PRPF6: variants seen among roughly 807,000 people sequenced by gnomAD.
The protein encoded by PRPF6 is pre-mRNA-processing factor 6.
A neutral mutation model predicts 118.3 loss-of-function variants in PRPF6; 42 were observed. The observed-to-expected ratio is 0.35, with a 90% CI of 0.28 to 0.46. The LOEUF is 0.46. Ranked by LOEUF, PRPF6 falls within the 20% of genes least tolerant of loss-of-function variation. The pLI is 1.00. For missense variants in PRPF6, 662 were observed against 1,255.7 expected, an observed-to-expected ratio of 0.53 and a Z score of 7.15; for synonymous variants, 481 against 485.1, an observed-to-expected ratio of 0.99 and a Z score of 0.11.
chr20:64,028,458 C>T lies in PRPF6; in HGVS notation c.2340-20C>T, dbSNP rs1269228897. 1 of 1,613,532 alleles carries T rather than the reference C, an allele frequency of 6.2e-7. No homozygotes were observed. The highest frequency in any genetic ancestry group is 8.5e-7 in the Non-Finnish European group (1 of 1,179,888). On this transcript the variant is annotated intron_variant, in intron 17 of 20. Transcript: ENST00000266079. This position sits in a 1 kb window ranked among gnomAD's most constrained non-coding sequence, Gnocchi z 6.5. The stretch of plus-strand genomic sequence containing the variant: ...CTGTTGGTAGACGGCTGTGGGACCT[C>T]CGGGGGCCTGTCTCCTCAGGTTGGA...
intron 4 of PRPF6, among the ~76,000 whole-genome samples, chr20:63,994,152 CTTTTTCTTTTT>C (rs1337120952): frequency 6.8e-6 from 1 of 146,338 alleles, no homozygotes; most frequent in Non-Finnish European, 1.5e-5. Flanking sequence ...TTTTTCTTTT[CTTTTTCTTTTT>C]TTTTTTTTTT....
Position 64,029,546 on chromosome 20 carries a change from T to G in PRPF6, c.2546+55T>G. The G allele has an allele frequency of 7.0e-7, 1 of 1,438,566 alleles. No individual in the cohort carries two copies. Among genetic ancestry groups the G allele is most frequent in the Non-Finnish European group, 9.8e-7 (1 of 1,022,300 alleles). The allele number at this position is 1,438,566 out of a possible 1,614,324, so 89.1% of individuals were successfully genotyped here. A position where few individuals can be genotyped will look rare whatever the true frequency, so the allele number is the denominator to read the frequency against. On this transcript the variant is annotated intron_variant, in intron 19 of 20. Transcript: ENST00000266079. This position sits in a 1 kb window ranked among gnomAD's most constrained non-coding sequence, Gnocchi z 4.8. Reference sequence around the variant, plus strand: ...CCTCGGGGTCCTAATGGGCTCTTTTTCCAGAGTCTGTCTGCCTCTTCCTGG... The same window carrying G: ...CCTCGGGGTCCTAATGGGCTCTTTTGCCAGAGTCTGTCTGCCTCTTCCTGG...
At chr20:63,989,377 T>C (rs2059108844) in intron 3 of PRPF6, among the ~76,000 whole-genome samples, 1 of 151,948 alleles carries the variant, frequency 6.6e-6, no homozygotes, top group African/African-American at 2.4e-5. Flanking sequence ...GTGTGGTGGC[T>C]CGCTCCCGTG....
chr20:64,026,702 AGGCAGGAGAATGGTGT>A lies in PRPF6; in HGVS notation c.2029-278_2029-263del, dbSNP rs2059292509. On this transcript the variant is annotated intron_variant, in intron 15 of 20. Coordinates refer to ENST00000266079, the MANE Select transcript of PRPF6 (RefSeq NM_012469.4). The surrounding 1 kb of genome is among the most constrained non-coding windows in gnomAD (Gnocchi z 4.4). ...GTAGTTCCAGCTACTTGGGAGGCTG[AGGCAGGAGAATGGTGT>A]GAACCCAGCAGGTGGAGCTTGCAGT... Among the ~76,000 whole-genome samples, 1 of 152,030 alleles carries A rather than the reference AGGCAGGAGAATGGTGT, an allele frequency of 6.6e-6. No individual in the cohort carries two copies. Among genetic ancestry groups the A allele is most frequent in the Admixed American group, 6.6e-5 (1 of 15,256 alleles).
intron 3 of PRPF6, among the ~76,000 whole-genome samples, chr20:63,987,143 C>T (rs890110457): frequency 1.6e-5 from 2 of 126,564 alleles, no homozygotes; most frequent in Non-Finnish European, 3.1e-5. Context: ...ACACTTCAGC[C>T]TGGGCCACAG....
At position 64,027,263 on chromosome 20, in the gene PRPF6, G is replaced by A. The variant is rs961645884; in HGVS notation, c.2205+105G>A. On this transcript the variant is annotated intron_variant, in intron 16 of 20. Transcript: ENST00000266079. This position sits in a 1 kb window ranked among gnomAD's most constrained non-coding sequence, Gnocchi z 6.5. ...CTTCGCCTCTGAGGAGATGTGGAGG[G>A]CTGGGGGTTACAGCTGATGGAGCTG... The A allele has an allele frequency of 6.3e-6, 9 of 1,435,732 alleles. No homozygotes were observed. Among genetic ancestry groups the A allele is most frequent in the Non-Finnish European group, 8.6e-6 (9 of 1,041,136 alleles). The allele number at this position is 1,435,732 out of a possible 1,614,324, so 88.9% of individuals were successfully genotyped here.
chr20:64,010,183 C>T lies in PRPF6; in HGVS notation c.1187-17C>T, dbSNP rs562471948. 8 of 1,605,842 alleles carry T rather than the reference C, an allele frequency of 5.0e-6. No homozygotes were observed. Among genetic ancestry groups the T allele is most frequent in the African/African-American group, 4.0e-5 (3 of 74,874 alleles). On this transcript the variant is annotated splice_polypyrimidine_tract_variant and intron_variant, in intron 9 of 20. Transcript: ENST00000266079. The stretch of plus-strand genomic sequence containing the variant: ...TCTCCTTTTCTGTGACGTGGTTTCT[C>T]GTTTGACCTTTCCTAGCCCTCGAGC...
At chr20:64,025,846 C>G in intron 14 of PRPF6, 93 bp from the exon 15 acceptor site, 1 of 1,606,592 alleles carries the variant, frequency 6.2e-7, no homozygotes, top group East Asian at 2.2e-5. Context: ...CAAGGCCTGG[C>G]TCAGTTCCTG....
chr20:64,014,258 T>A (rs1219586360), intron 11 of PRPF6, among the ~76,000 whole-genome samples: 2 of 152,108 alleles, frequency 1.3e-5, no homozygotes, highest in Non-Finnish European at 1.5e-5. Flanking sequence ...TTTTTTACTT[T>A]CTTTCTCTAC....
In PRPF6 at chr20:64,026,178, A is replaced by T; in HGVS notation, c.2028+120A>T. 1 of 1,514,140 alleles carries T rather than the reference A, an allele frequency of 6.6e-7. No individual in the cohort carries two copies. Among genetic ancestry groups the T allele is most frequent in the East Asian group, 2.4e-5 (1 of 41,778 alleles). The allele number at this position is 1,514,140 out of a possible 1,614,324, so 93.8% of individuals were successfully genotyped here. The stretch of plus-strand genomic sequence containing the variant: ...CGGCAGGCAAACGAGACCACAGCAC[A>T]CTCATCTTTGTGATGTGACTAAAAC... On this transcript the variant is annotated intron_variant, in intron 15 of 20. Transcript: ENST00000266079. The surrounding 1 kb of genome is among the most constrained non-coding windows in gnomAD (Gnocchi z 4.4).
At chr20:64,013,282 T>C (rs1373392205) in intron 11 of PRPF6, among the ~76,000 whole-genome samples, 1 of 152,212 alleles carries the variant, frequency 6.6e-6, no homozygotes, top group Non-Finnish European at 1.5e-5. Flanking sequence ...AAAGATGATC[T>C]AACTTAGGAA....
At chr20:64,002,408 T>C (rs939828740) in intron 9 of PRPF6, among the ~76,000 whole-genome samples, 13 of 151,434 alleles carry the variant, frequency 8.6e-5, no homozygotes, top group Non-Finnish European at 1.8e-4. Context: ...CGATCTTGGC[T>C]CACTGCAGCC....
chr20:63,993,475 C>T lies in PRPF6; in HGVS notation c.428C>T (p.Ser143Leu). Reference protein sequence around the residue: ...MERPKIQQQFSDLKRKLAEVT... With the variant: ...MERPKIQQQFLDLKRKLAEVT... ...CGCCCCAAAATCCAACAGCAGTTCT[C>T]AGACCTCAAGGTGAGCCGATGAAGC... Residue 143 changes from serine (S) to leucine (L), a missense_variant, in exon 4 of 21, where the codon TCA becomes TTA. Transcript: ENST00000266079. 6.2e-7 allele frequency: 1 copy of T among 1,611,744 alleles called. No individual in the cohort carries two copies. Among genetic ancestry groups the T allele is most frequent in the Non-Finnish European group, 8.5e-7 (1 of 1,178,168 alleles).
intron 8 of PRPF6, among the ~76,000 whole-genome samples, chr20:64,000,472 AAC>A (rs1238746437): frequency 1.3e-5 from 2 of 150,926 alleles, no homozygotes; most frequent in South Asian, 2.1e-4. Flanking sequence ...AAAAAAAAAA[AAC>A]AACAAAAAAG....
chr20:64,025,154 G>A (rs2059283083), intron 14 of PRPF6, among the ~76,000 whole-genome samples: 1 of 152,136 alleles, frequency 6.6e-6, no homozygotes, highest in Non-Finnish European at 1.5e-5. Flanking sequence ...GTCTGTTACT[G>A]TAGCTCAGGC....
chr20:63,995,301 C>T, intron 5 of PRPF6, 26 bp from the exon 6 acceptor site: 1 of 1,596,528 alleles, frequency 6.3e-7, no homozygotes, highest in Non-Finnish European at 8.5e-7. Flanking sequence ...TTGTTTTATT[C>T]TTGCCTTTCC....
At chr20:64,017,089 T>C (rs1435468087) in intron 12 of PRPF6, among the ~76,000 whole-genome samples, 1 of 152,184 alleles carries the variant, frequency 6.6e-6, no homozygotes, top group Non-Finnish European at 1.5e-5. Context: ...ACTACAGGCA[T>C]GTGCCACCAC....
intron 2 of PRPF6, among the ~76,000 whole-genome samples, chr20:63,983,895 C>G (rs115269899): frequency 7.9e-5 from 12 of 152,128 alleles, no homozygotes; most frequent in African/African-American, 2.9e-4. Flanking sequence ...TCAGGTTGTC[C>G]GCACGCTTCG....
At chr20:64,002,257 G>C (rs1233023206) in intron 9 of PRPF6, among the ~76,000 whole-genome samples, 2 of 151,608 alleles carry the variant, frequency 1.3e-5, no homozygotes, top group African/African-American at 4.8e-5. Flanking sequence ...TCTTGGCCTT[G>C]TGATCTGCCT....
Sources: gnomAD v4.1 joint callset for allele counts (sites outside exome capture counted in the v4.1 genomes callset) on GRCh38, gnomAD v4.1.1 for gene constraint, Gnocchi (gnomAD v3.1) non-coding constraint, MANE v1.5 for transcripts, NCBI Gene and HGNC (gene_info 2026-07-23, HGNC 2026-07-21) for gene names.